Variants in ARHGEF10L observed in about 807,000 individuals in gnomAD.
ARHGEF10L encodes the protein rho guanine nucleotide exchange factor 10-like protein.
Under a neutral mutation model 141.2 loss-of-function variants are expected in ARHGEF10L, and 69 were observed. That is an observed-to-expected ratio of 0.49 (90% CI 0.40 to 0.60). The LOEUF is 0.60. Ranked by LOEUF, ARHGEF10L falls within the 20% of genes least tolerant of loss-of-function variation. The pLI is 0.00. For synonymous variants in ARHGEF10L, 711 were observed against 718.5 expected (o/e 0.99, Z 0.17); for missense variants, 1,482 against 1,734.3 (o/e 0.85, Z 2.58).
intron 8 of ARHGEF10L, among the ~76,000 whole-genome samples, chr1:17,614,920 G>A (rs146886434): frequency 6.6e-6 from 1 of 152,184 alleles, no homozygotes; most frequent in East Asian, 1.9e-4. Flanking sequence ...GGGACCAAAG[G>A]GTTATTGGAG....
Position 17,673,032 on chromosome 1 carries a change from A to G in ARHGEF10L, c.3009+8437A>G, listed in dbSNP as rs1409754567. The stretch of plus-strand genomic sequence containing the variant: ...CCCCAACCAGAAGATTTAGGTGATG[A>G]AAAGATTTCATGATTTTAAAAAGAA... On this transcript the variant is annotated intron_variant, in intron 26 of 28. Transcript: ENST00000361221. This position sits in a 1 kb window ranked among gnomAD's most constrained non-coding sequence, Gnocchi z 4.1. 1.3e-5 allele frequency among the ~76,000 whole-genome samples: 2 copies of G among 152,132 alleles called. No individual in the cohort carries two copies. Among genetic ancestry groups the G allele is most frequent in the Non-Finnish European group, 2.9e-5 (2 of 68,028 alleles).
Position 17,619,423 on chromosome 1 carries a change from C to G in ARHGEF10L, c.920C>G (p.Pro307Arg), listed in dbSNP as rs1557841467. 1 of 1,610,342 alleles carries G rather than the reference C, an allele frequency of 6.2e-7. No homozygotes were observed. The highest frequency in any genetic ancestry group is 1.7e-5 in the Admixed American group (1 of 59,728). The change falls in exon 10 of 29, where the codon CCA becomes CGA. Residue 307 changes from proline (P) to arginine (R), a missense_variant. Transcript: ENST00000361221. This position sits in a 1 kb window ranked among gnomAD's most constrained non-coding sequence, Gnocchi z 5.0. The part of the protein sequence containing the change: ...KPPAPELGPM[P>R]EGLSPQQVVR... ...CCAGCCCCAGAGCTGGGCCCCATGCCAGAGGGCCTGAGCCCTCAGCAGGTC... is the reference window on the plus strand; with the variant it reads ...CCAGCCCCAGAGCTGGGCCCCATGCGAGAGGGCCTGAGCCCTCAGCAGGTC...
Position 17,660,766 on chromosome 1 carries a change from T to A in ARHGEF10L, c.2861-3681T>A, listed in dbSNP as rs934164468. Among the ~76,000 whole-genome samples the A allele has an allele frequency of 3.9e-5, 6 of 152,158 alleles. No individual in the cohort carries two copies. In the East Asian group the frequency reaches 1.2e-3, roughly 29 times the overall value. ...AGAGCTGGTGCCAGGCCCAGAAGAA[T>A]GGGCTGTCATACAGGGGCAGGCTTG... is the stretch of plus-strand genomic sequence containing the variant. On this transcript the variant is annotated intron_variant, in intron 25 of 28. Coordinates refer to ENST00000361221, the MANE Select transcript of ARHGEF10L (RefSeq NM_018125.4).
In ARHGEF10L at chr1:17,603,251, C is replaced by T. The variant is rs916272197; in HGVS notation, c.350-257C>T. On this transcript the variant is annotated intron_variant, in intron 5 of 28. Coordinates refer to ENST00000361221, the MANE Select transcript of ARHGEF10L (RefSeq NM_018125.4). The surrounding 1 kb of genome is among the most constrained non-coding windows in gnomAD (Gnocchi z 4.8). ...AGCAGCTGTCCATTAGCCAGATGGG[C>T]AGGCCTGCGGGCAGCAGGGAGCCAG... Among the ~76,000 whole-genome samples the T allele has an allele frequency of 1.4e-5, 2 of 141,614 alleles. No individual in the cohort carries two copies. The highest frequency in any genetic ancestry group is 5.3e-5 in the African/African-American group (2 of 37,390). The allele number at this position is 141,614 out of a possible 152,430, so 92.9% of individuals were successfully genotyped here.
At chr1:17,566,458 A>G (rs1277650814) in intron 1 of ARHGEF10L, among the ~76,000 whole-genome samples, 1 of 152,222 alleles carries the variant, frequency 6.6e-6, no homozygotes, top group Non-Finnish European at 1.5e-5. Flanking sequence ...TCCCTCCCCA[A>G]CATCCCATGT....
At chr1:17,552,091 GATGGGAA>G (rs2077131189) in intron 1 of ARHGEF10L, among the ~76,000 whole-genome samples, 1 of 152,182 alleles carries the variant, frequency 6.6e-6, no homozygotes, top group Non-Finnish European at 1.5e-5. Flanking sequence ...CCCAATGAGT[GATGGGAA>G]AACTCCATGG....
At chr1:17,585,206 C>T (rs927900031) in intron 2 of ARHGEF10L, among the ~76,000 whole-genome samples, 1 of 152,156 alleles carries the variant, frequency 6.6e-6, no homozygotes, top group Non-Finnish European at 1.5e-5. Context: ...GATCCAGCTC[C>T]CACCCAAGCC....
At chr1:17,678,258 T>A (rs1174646896) in intron 26 of ARHGEF10L, among the ~76,000 whole-genome samples, 4 of 151,940 alleles carry the variant, frequency 2.6e-5, no homozygotes, top group African/African-American at 4.8e-5. Flanking sequence ...TCCTAAAGTG[T>A]CGATGCTGGA....
chr1:17,635,061 C>A lies in ARHGEF10L; in HGVS notation c.1927+45C>A, dbSNP rs1405514128. The stretch of plus-strand genomic sequence containing the variant: ...GCCCTGCGTTCGTCACCCTCGCCCT[C>A]ACCAGCCACAGCCTGGGCTGCTCCT... On this transcript the variant is annotated intron_variant, in intron 18 of 28. Coordinates refer to ENST00000361221, the MANE Select transcript of ARHGEF10L (RefSeq NM_018125.4). 6 of 1,606,494 alleles carry A rather than the reference C, an allele frequency of 3.7e-6. No homozygotes were observed. In the East Asian group the frequency reaches 1.3e-4, roughly 36 times the overall value.
chr1:17,565,750 T>C (rs773726112), intron 1 of ARHGEF10L, among the ~76,000 whole-genome samples: 1 of 152,160 alleles, frequency 6.6e-6, no homozygotes, highest in Non-Finnish European at 1.5e-5. Context: ...GCAGTCTGGT[T>C]GTTTATTTAC....
intron 1 of ARHGEF10L, among the ~76,000 whole-genome samples, chr1:17,564,768 C>T (rs2077682218): frequency 6.6e-6 from 1 of 152,154 alleles, no homozygotes; most frequent in African/African-American, 2.4e-5. Flanking sequence ...GAGTAAAGGG[C>T]TTGGATTAGC....
At chr1:17,550,708 G>A (rs2077082033) in intron 1 of ARHGEF10L, among the ~76,000 whole-genome samples, 1 of 151,958 alleles carries the variant, frequency 6.6e-6, no homozygotes, top group South Asian at 2.1e-4. Context: ...GGGCCTCTGG[G>A]CTGGAGATGC....
chr1:17,551,931 C>G (rs959942008), intron 1 of ARHGEF10L, among the ~76,000 whole-genome samples: 1 of 152,172 alleles, frequency 6.6e-6, no homozygotes, highest in African/African-American at 2.4e-5. Flanking sequence ...CCACAGTCCC[C>G]GTGTGGCTTT....
intron 1 of ARHGEF10L, among the ~76,000 whole-genome samples, chr1:17,561,981 G>A (rs1347575208): frequency 1.3e-5 from 2 of 152,212 alleles, no homozygotes; most frequent in African/African-American, 4.8e-5. Context: ...CCCTAGCTAT[G>A]TGACCTTGGA....
rs563326452 is a variant in ARHGEF10L at position 17,656,369 on chromosome 1, A to G, written c.2706-185A>G. 6.6e-6 allele frequency among the ~76,000 whole-genome samples: 1 copy of G among 152,268 alleles called. No homozygotes were observed. The highest frequency in any genetic ancestry group is 1.9e-4 in the East Asian group (1 of 5,166). ...TCGTGACAGAGGTGTCAGGGAGGGT[A>G]CCGTCCCAGAAAACCATGGAAAAGT... On this transcript the variant is annotated intron_variant, in intron 24 of 28. Coordinates refer to ENST00000361221, the MANE Select transcript of ARHGEF10L (RefSeq NM_018125.4). This position sits in a 1 kb window ranked among gnomAD's most constrained non-coding sequence, Gnocchi z 4.9.
chr1:17,564,491 C>T (rs2077670547), intron 1 of ARHGEF10L, among the ~76,000 whole-genome samples: 1 of 152,196 alleles, frequency 6.6e-6, no homozygotes, highest in African/African-American at 2.4e-5. Flanking sequence ...CATGGTCCCA[C>T]CTGAGTGTAC....
chr1:17,588,551 T>C, intron 4 of ARHGEF10L, 72 bp downstream of exon 4: 2 of 1,593,680 alleles, frequency 1.3e-6, no homozygotes, highest in East Asian at 2.2e-5. Flanking sequence ...GGGGATGGGG[T>C]GGAGCTGAGG....
Position 17,639,514 on chromosome 1 carries a change from T to G in ARHGEF10L, c.2172-688T>G, listed in dbSNP as rs1023572694. On this transcript the variant is annotated intron_variant, in intron 20 of 28. Transcript: ENST00000361221. This position sits in a 1 kb window ranked among gnomAD's most constrained non-coding sequence, Gnocchi z 4.3. ...GTGTAGGAGTCAGCAGCTTTGAATC[T>G]GCCGCCTCCCTGTTGAGTGGCCTGT... Among the ~76,000 whole-genome samples, 1 of 152,174 alleles carries G rather than the reference T, an allele frequency of 6.6e-6. No homozygotes were observed. Among genetic ancestry groups the G allele is most frequent in the Admixed American group, 6.5e-5 (1 of 15,276 alleles).
chr1:17,612,592 C>T (rs1339247204), intron 7 of ARHGEF10L, among the ~76,000 whole-genome samples: 3 of 152,232 alleles, frequency 2.0e-5, no homozygotes, highest in Non-Finnish European at 2.9e-5. Context: ...GATTTACCCA[C>T]TTATCCATTT....
Sources: allele counts gnomAD v4.1 joint callset (sites outside exome capture counted in the v4.1 genomes callset), GRCh38; gene constraint gnomAD v4.1.1; non-coding constraint Gnocchi (gnomAD v3.1); transcripts MANE v1.5; gene names NCBI Gene and HGNC (gene_info 2026-07-23, HGNC 2026-07-21).